OTULINL: variants seen among roughly 807,000 people sequenced by gnomAD.
OTULINL encodes the protein OTU deubiquitinase with linear linkage specificity like, also known as inactive ubiquitin thioesterase OTULINL.
Under a neutral mutation model 43.9 loss-of-function variants are expected in OTULINL, and 42 were observed. That is an observed-to-expected ratio of 0.96 (90% CI 0.75 to 1.24). OTULINL has a LOEUF of 1.24. OTULINL is among the 50% of genes most tolerant of loss of function. The probability of loss-of-function intolerance (pLI) is 0.00; values close to 1 mark genes in which losing one functional copy is unlikely to be tolerated. For missense variants in OTULINL, 411 were observed against 426.4 expected (o/e 0.96, Z 0.32); for synonymous variants, 172 against 153.6 (o/e 1.12, Z -0.88).
At position 14,611,602 on chromosome 5, in the gene OTULINL, C is replaced by T. The variant is rs1759583571; in HGVS notation, c.*1288C>T. The T allele has an allele frequency of 6.6e-6, 1 of 152,170 alleles. No individual in the cohort carries two copies. The highest frequency in any genetic ancestry group is 1.5e-5 in the Non-Finnish European group (1 of 68,032). The allele number at this position is 152,170 out of a possible 1,614,324, so 9.4% of individuals were successfully genotyped here. On this transcript the variant is annotated 3_prime_UTR_variant, in exon 8 of 8. Transcript: ENST00000274217. Reference sequence around the variant, plus strand: ...TAAGATAATAGATTTGTGTTTAAGCCACTAAGTTTGTGGTAATGTGTTGTA... The same window carrying T: ...TAAGATAATAGATTTGTGTTTAAGCTACTAAGTTTGTGGTAATGTGTTGTA...
chr5:14,598,473 A>G (rs1329050859), intron 1 of OTULINL, among the ~76,000 whole-genome samples: 4 of 152,270 alleles, frequency 2.6e-5, no homozygotes, highest in African/African-American at 9.6e-5. Flanking sequence ...CCTGTGACCT[A>G]GAATTTTCTT....
intron 5 of OTULINL, among the ~76,000 whole-genome samples, chr5:14,602,651 G>A (rs138130657): frequency 6.6e-6 from 1 of 152,212 alleles, no homozygotes; most frequent in East Asian, 1.9e-4. Flanking sequence ...GCCCAGGCTG[G>A]TCTTGAACTT....
At chr5:14,594,624 T>A (rs1329236283) in intron 1 of OTULINL, among the ~76,000 whole-genome samples, 1 of 152,144 alleles carries the variant, frequency 6.6e-6, no homozygotes. Flanking sequence ...GTGTGAGGAA[T>A]TGGTGAGGGG....
At chr5:14,586,493 A>C (rs1015377766) in intron 1 of OTULINL, among the ~76,000 whole-genome samples, 2 of 152,224 alleles carry the variant, frequency 1.3e-5, no homozygotes, top group Admixed American at 1.3e-4. Context: ...AAATCCCAGA[A>C]ACTGTAGCAC....
At chr5:14,598,877 A>G (rs1249254298) in intron 1 of OTULINL, among the ~76,000 whole-genome samples, 2 of 152,238 alleles carry the variant, frequency 1.3e-5, no homozygotes, top group East Asian at 1.9e-4. Flanking sequence ...TCTAAAAAAC[A>G]TTTGTACCTA....
At chr5:14,587,527 C>G (rs1440199781) in intron 1 of OTULINL, among the ~76,000 whole-genome samples, 2 of 152,204 alleles carry the variant, frequency 1.3e-5, no homozygotes, top group Non-Finnish European at 2.9e-5. Flanking sequence ...GTTGGCTGCT[C>G]AGCTTGAAAT....
At position 14,612,183 on chromosome 5, in the gene OTULINL, C is replaced by G. The variant is rs1413534135; in HGVS notation, c.*1869C>G. 1 of 152,234 alleles carries G rather than the reference C, an allele frequency of 6.6e-6. No individual in the cohort carries two copies. Among genetic ancestry groups the G allele is most frequent in the Non-Finnish European group, 1.5e-5 (1 of 68,050 alleles). 9.4% of individuals were successfully genotyped at this position (152,234 alleles called of 1,614,324 possible). ...GTTACTGTAACCAAGAAAGCATGAA[C>G]GTTACCCTTTCTGGTGACAGCCTGC... is the stretch of plus-strand genomic sequence containing the variant. On this transcript the variant is annotated 3_prime_UTR_variant, in exon 8 of 8. Transcript: ENST00000274217.
At position 14,607,460 on chromosome 5, in the gene OTULINL, T is replaced by C. The variant is rs768772509; in HGVS notation, c.627+2T>C. 6.2e-7 allele frequency: 1 copy of C among 1,613,630 alleles called. No individual in the cohort carries two copies. Among genetic ancestry groups the C allele is most frequent in the Non-Finnish European group, 8.5e-7 (1 of 1,179,826 alleles). On this transcript the variant is annotated splice_donor_variant, in intron 6 of 7. Coordinates refer to ENST00000274217, the MANE Select transcript of OTULINL (RefSeq NM_019018.3). LOFTEE classifies it high-confidence loss of function. The stretch of plus-strand genomic sequence containing the variant: ...TATGTGGAATTATTGAAAACACAGG[T>C]AAGTGTTTGCGGGGGAAATAAAAAG...
In OTULINL at chr5:14,615,784, C is replaced by G. The variant is rs1411098211; in HGVS notation, c.*5470C>G. 6.6e-6 allele frequency among the ~76,000 whole-genome samples: 1 copy of G among 152,204 alleles called. No homozygotes were observed. The highest frequency in any genetic ancestry group is 1.5e-5 in the Non-Finnish European group (1 of 68,038). On this transcript the variant is annotated 3_prime_UTR_variant, in exon 8 of 8. Transcript: ENST00000274217. ...ATTTTTCCATTTGGTGTGTATTTCA[C>G]AGGGTAACAATGAAGTGCTCCAATC...
Position 14,598,098 on chromosome 5 carries a change from C to G in OTULINL, c.65-2867C>G, listed in dbSNP as rs144957970. 8.1e-4 allele frequency among the ~76,000 whole-genome samples: 124 copies of G among 152,292 alleles called. No individual in the cohort carries two copies. The East Asian group carries it at 0.021, about 26-fold the overall frequency. ...CTTCAGGGTCTCACCTCAAATTCCA[C>G]AGGGGCTAGTTGGTAACTGCCAACT... On this transcript the variant is annotated intron_variant, in intron 1 of 7. Coordinates refer to ENST00000274217, the MANE Select transcript of OTULINL (RefSeq NM_019018.3).
intron 1 of OTULINL, among the ~76,000 whole-genome samples, chr5:14,587,320 C>T (rs980133470): frequency 4.6e-5 from 7 of 152,132 alleles, no homozygotes; most frequent in Non-Finnish European, 7.3e-5. Context: ...CGAAATGCTG[C>T]GGAGCAAGCA....
rs183842405 is a variant in OTULINL at position 14,591,591 on chromosome 5, C to T, written c.65-9374C>T. On this transcript the variant is annotated intron_variant, in intron 1 of 7. Coordinates refer to ENST00000274217, the MANE Select transcript of OTULINL (RefSeq NM_019018.3). Reference sequence around the variant, plus strand: ...GGTAGTAGGGGAGCCAGAACCCCACCTCCAGGAAGGCCTCTCCACCGGGAA... The same window carrying T: ...GGTAGTAGGGGAGCCAGAACCCCACTTCCAGGAAGGCCTCTCCACCGGGAA... Among the ~76,000 whole-genome samples, 949 of 152,280 alleles carry T rather than the reference C, an allele frequency of 6.2e-3. 4 individuals carry two copies. Among genetic ancestry groups the T allele is most frequent in the African/African-American group, 0.021 (879 of 41,564 alleles).
intron 4 of OTULINL, among the ~76,000 whole-genome samples, chr5:14,601,867 A>G (rs1315103858): frequency 6.6e-6 from 1 of 152,236 alleles, no homozygotes; most frequent in Non-Finnish European, 1.5e-5. Flanking sequence ...TAGCAAAAGC[A>G]AAAAAGGGTG....
intron 7 of OTULINL, among the ~76,000 whole-genome samples, chr5:14,609,661 C>T (rs553781713): frequency 4.7e-4 from 68 of 143,678 alleles, no homozygotes; most frequent in Non-Finnish European, 8.8e-4. Context: ...GACGGAGTCT[C>T]GTTCTGTCGC....
At position 14,610,393 on chromosome 5, in the gene OTULINL, C is replaced by T; in HGVS notation, c.*79C>T. On this transcript the variant is annotated 3_prime_UTR_variant, in exon 8 of 8. Coordinates refer to ENST00000274217, the MANE Select transcript of OTULINL (RefSeq NM_019018.3). ...ATAAAGTCTCTCTCTGAAACCAAAG[C>T]TAGCATTTCAGCATGGAAGGAATTA... is the stretch of plus-strand genomic sequence containing the variant. 17 of 1,465,392 alleles carry T rather than the reference C, an allele frequency of 1.2e-5. No homozygotes were observed. The highest frequency in any genetic ancestry group is 1.6e-5 in the Non-Finnish European group (17 of 1,065,904). 90.8% of individuals were successfully genotyped at this position (1,465,392 alleles called of 1,614,324 possible). A position where few individuals can be genotyped will look rare whatever the true frequency, so the allele number is the denominator to read the frequency against.
rs1249835665 is a variant in OTULINL, at chr5:14,581,810, CG to C, written c.-82del. 8.7e-7 allele frequency: 1 copy of C among 1,143,646 alleles called. No individual in the cohort carries two copies. The highest frequency in any genetic ancestry group is 1.6e-5 in the African/African-American group (1 of 61,166). 70.8% of individuals were successfully genotyped at this position (1,143,646 alleles called of 1,614,324 possible). On this transcript the variant is annotated 5_prime_UTR_variant, in exon 1 of 8. Transcript: ENST00000274217. The stretch of plus-strand genomic sequence containing the variant: ...CCAGCCCGCCTCAGGGAAGCGAGCC[CG>C]GGCGCCGGCGGGCGGCCGTCGCGTC...
chr5:14,597,581 A>C (rs1759309031), intron 1 of OTULINL, among the ~76,000 whole-genome samples: 1 of 152,218 alleles, frequency 6.6e-6, no homozygotes, highest in Non-Finnish European at 1.5e-5. Flanking sequence ...TAGCTATTGT[A>C]GCTATTGGTG....
intron 7 of OTULINL, among the ~76,000 whole-genome samples, 174 bp from the exon 8 acceptor site, chr5:14,609,966 TC>T (rs1759550079): frequency 6.6e-6 from 1 of 152,176 alleles, no homozygotes; most frequent in Admixed American, 6.5e-5. Context: ...CTCGTCCCCT[TC>T]CTTCCACACA....
intron 1 of OTULINL, among the ~76,000 whole-genome samples, chr5:14,584,986 C>G (rs1399033291): frequency 6.6e-6 from 1 of 152,120 alleles, no homozygotes; most frequent in Non-Finnish European, 1.5e-5. Context: ...CTGTTAATAA[C>G]CCAGTGATTG....
Sources: gnomAD v4.1 joint callset for allele counts (sites outside exome capture counted in the v4.1 genomes callset) on GRCh38, gnomAD v4.1.1 for gene constraint, MANE v1.5 for transcripts, NCBI Gene and HGNC (gene_info 2026-07-23, HGNC 2026-07-21) for gene names.